The following HOXA10 variants were observed in gnomAD, a reference collection of about 807,000 sequenced individuals.
HOXA10 encodes the protein homeobox protein Hox-A10.
A neutral mutation model predicts 29.7 loss-of-function variants in HOXA10; 12 were observed. That is an observed-to-expected ratio of 0.40 (90% CI 0.26 to 0.65). The LOEUF (loss-of-function observed/expected upper bound fraction) is 0.65, where lower values mean the gene tolerates loss of function less well. HOXA10 is among the 30% of genes least tolerant of loss of function. The probability of loss-of-function intolerance (pLI) is 0.37; values close to 1 mark genes in which losing one functional copy is unlikely to be tolerated. For synonymous variants in HOXA10, 327 were observed against 280.7 expected, an observed-to-expected ratio of 1.16 and a Z score of -1.65; for missense variants, 656 against 585.9, an observed-to-expected ratio of 1.12 and a Z score of -1.24.
chr7:27,179,625 G>A (rs201675124), intron 1 of HOXA10: 2 of 777,652 alleles, frequency 2.6e-6, no homozygotes, highest in African/African-American at 3.4e-5. Context: ...GACTGAAATT[G>A]CTAAACTTGT....
rs1783572501 is a variant in HOXA10, at chr7:27,173,622, CGCT to C, written c.682_684del (p.Ser228del). 2.0e-6 allele frequency: 3 copies of C among 1,534,082 alleles called. No homozygotes were observed. Among genetic ancestry groups the C allele is most frequent in the Non-Finnish European group, 2.6e-6 (3 of 1,140,964 alleles). The stretch of plus-strand genomic sequence containing the variant: ...CCGAGTTGCTGCGCGCCGCCGCCGC[CGCT>C]GCCATAGCCCTTGGCGGTGCCGTAG... On this transcript the variant is annotated inframe_deletion, in exon 1 of 2. Transcript: ENST00000283921.
upstream of HOXA10, chr7:27,174,555 G>A (rs1355313591): frequency 5.0e-6 from 3 of 604,494 alleles, no homozygotes; most frequent in Admixed American, 3.3e-5. Flanking sequence ...CCCCAACGTG[G>A]CTGGTGGGGG....
At position 27,173,885 on chromosome 7, in the gene HOXA10, GGCT is replaced by G. The variant is rs754696109; in HGVS notation, c.419_421del (p.Gln140del). 10 of 1,562,986 alleles carry G rather than the reference GGCT, an allele frequency of 6.4e-6. No homozygotes were observed. In the East Asian group the frequency reaches 2.4e-4, roughly 37 times the overall value. Reference sequence around the variant, plus strand: ...CTGGGGTGGTTGCGGCGGGGGCGGCGGCTGCTGCTGGGGCGGCGGCGGCGGCCC... The same window carrying G: ...CTGGGGTGGTTGCGGCGGGGGCGGCGGCTGCTGGGGCGGCGGCGGCGGCCC... On this transcript the variant is annotated inframe_deletion, in exon 1 of 2. Transcript: ENST00000283921.
upstream of HOXA10, among the ~76,000 whole-genome samples, chr7:27,177,112 C>G (rs1783666002): frequency 6.6e-6 from 1 of 152,196 alleles, no homozygotes; most frequent in African/African-American, 2.4e-5. Context: ...ACGTGCCAAC[C>G]AAGGTTACAA....
At chr7:27,178,481 C>T (rs1269626618), upstream of HOXA10, among the ~76,000 whole-genome samples, 2 of 152,224 alleles carry the variant, frequency 1.3e-5, no homozygotes, top group East Asian at 3.8e-4. Context: ...GTGTTGGGGC[C>T]TTTTCACACA....
In HOXA10 at chr7:27,171,675, C is replaced by T. The variant is rs1193808586; in HGVS notation, c.*224G>A. 1.4e-6 allele frequency: 1 copy of T among 691,876 alleles called. No homozygotes were observed. Among genetic ancestry groups the T allele is most frequent in the African/African-American group, 1.8e-5 (1 of 57,084 alleles). 42.9% of individuals were successfully genotyped at this position (691,876 alleles called of 1,614,324 possible). On this transcript the variant is annotated 3_prime_UTR_variant, in exon 2 of 2. Coordinates refer to ENST00000283921, the MANE Select transcript of HOXA10 (RefSeq NM_018951.4). ...TCTATAGAATTTTAGCATGATATGG[C>T]TTTTTCCCCCAGAAAACAACAAATA...
rs1323977871 is a variant in HOXA10, at chr7:27,171,862, C to T, written c.*37G>A. 3.1e-6 allele frequency: 5 copies of T among 1,612,436 alleles called. No individual in the cohort carries two copies. The highest frequency in any genetic ancestry group is 3.4e-6 in the Non-Finnish European group (4 of 1,178,674). On this transcript the variant is annotated 3_prime_UTR_variant, in exon 2 of 2. Coordinates refer to ENST00000283921, the MANE Select transcript of HOXA10 (RefSeq NM_018951.4). ...TGAAGACAGAGGGAGGGGACCAGCGCTCGGGAAGTGAAAAAACCGCGTCGC... is the reference window on the plus strand; with the variant it reads ...TGAAGACAGAGGGAGGGGACCAGCGTTCGGGAAGTGAAAAAACCGCGTCGC...
chr7:27,177,027 C>A (rs1783664665), upstream of HOXA10, among the ~76,000 whole-genome samples: 1 of 152,236 alleles, frequency 6.6e-6, no homozygotes, highest in Non-Finnish European at 1.5e-5. Flanking sequence ...GGGTGCCCTG[C>A]AGCAGACAGC....
Position 27,173,867 on chromosome 7 carries a change from G to A in HOXA10, c.440C>T (p.Pro147Leu). 1 of 1,596,068 alleles carries A rather than the reference G, an allele frequency of 6.3e-7. No homozygotes were observed. Among genetic ancestry groups the A allele is most frequent in the Non-Finnish European group, 8.5e-7 (1 of 1,172,538 alleles). ...GGTGGCCTGCGGCGCTGGCTGGGGT[G>A]GTTGCGGCGGGGGCGGCGGCTGCTG... ...PQQQPPPPPQ[P>L]PQPAPQATSC... The change falls in exon 1 of 2, where the codon CCA becomes CTA. Residue 147 changes from proline to leucine, a missense_variant. Pro to Leu is a moderately conservative substitution (Grantham distance 98, BLOSUM62 -3). Coordinates refer to ENST00000283921, the MANE Select transcript of HOXA10 (RefSeq NM_018951.4).
intron 1 of HOXA10, chr7:27,172,965 T>G: frequency 3.8e-6 from 1 of 265,668 alleles, no homozygotes; most frequent in South Asian, 5.3e-5. Flanking sequence ...ACATCCGCGC[T>G]ATCTGCGGGC....
rs745656654 is a variant in HOXA10 at position 27,173,331 on chromosome 7, C to T, written c.958+18G>A. ...CCTGTCTGCCCGCCTGACTGCAGCCCTCTGCAGCCCTGCTTACCCAGGGAA... is the reference window on the plus strand; with the variant it reads ...CCTGTCTGCCCGCCTGACTGCAGCCTTCTGCAGCCCTGCTTACCCAGGGAA... On this transcript the variant is annotated intron_variant, in intron 1 of 1. Transcript: ENST00000283921. 1 of 1,611,542 alleles carries T rather than the reference C, an allele frequency of 6.2e-7. No individual in the cohort carries two copies. The highest frequency in any genetic ancestry group is 1.1e-5 in the South Asian group (1 of 90,948).
rs1783574510 is a variant in HOXA10, at chr7:27,173,667, A to C, written c.640T>G (p.Phe214Val). 1 of 1,551,418 alleles carries C rather than the reference A, an allele frequency of 6.4e-7. No individual in the cohort carries two copies. The highest frequency in any genetic ancestry group is 8.7e-7 in the Non-Finnish European group (1 of 1,147,856). ...TSSGVPVPGY[F>V]RLSQAYGTAK... ...GTGCCGTAGGCCTGAGAAAGGCGGA[A>C]GTAGCCAGGCACTGGCACCCCGCTG... Residue 214 changes from phenylalanine to valine, a missense_variant, in exon 1 of 2, where the codon TTC (phenylalanine) becomes GTC (valine). By Grantham distance (50) the Phe-to-Val change is conservative. Around this residue, in one of 2 missense-constraint regions of HOXA10, gnomAD observed 594 missense variants for 491.9 expected, o/e 1.21. Coordinates refer to ENST00000283921, the MANE Select transcript of HOXA10 (RefSeq NM_018951.4).
chr7:27,176,862 T>C (rs1044282993), upstream of HOXA10, among the ~76,000 whole-genome samples: 3 of 152,268 alleles, frequency 2.0e-5, no homozygotes, highest in African/African-American at 7.2e-5. Flanking sequence ...AAGTTTTGAC[T>C]CATTCTGTGA....
chr7:27,173,902 C>A lies in HOXA10; in HGVS notation c.405G>T (p.Pro135=), dbSNP rs1288413257. The A allele has an allele frequency of 1.3e-6, 2 of 1,527,946 alleles. No homozygotes were observed. Among genetic ancestry groups the A allele is most frequent in the East Asian group, 2.5e-5 (1 of 39,976 alleles). The allele number at this position is 1,527,946 out of a possible 1,614,324, so 94.6% of individuals were successfully genotyped here. The change falls in exon 1 of 2, where the codon CCG becomes CCT. Residue 135 remains proline, a synonymous_variant. Transcript: ENST00000283921. ...CRMEPPDGPP[P]PPQQQPPPPP... is the part of the protein sequence containing the mutation. The stretch of plus-strand genomic sequence containing the variant: ...GGGGCGGCGGCTGCTGCTGGGGCGG[C>A]GGCGGCGGCCCGTCAGGCGGCTCCA...
At chr7:27,178,288 T>C (rs1345288475), upstream of HOXA10, among the ~76,000 whole-genome samples, 3 of 152,268 alleles carry the variant, frequency 2.0e-5, no homozygotes, top group African/African-American at 4.8e-5. Context: ...CATTTATGCA[T>C]AGTTAGAAAA....
chr7:27,179,062 C>T (rs1783704030), upstream of HOXA10, among the ~76,000 whole-genome samples: 2 of 152,334 alleles, frequency 1.3e-5, no homozygotes, highest in African/African-American at 2.4e-5. Context: ...TTTATAACAG[C>T]GTACTCCAAG....
At chr7:27,174,566 G>T (rs1783613453), upstream of HOXA10, 3 of 580,172 alleles carry the variant, frequency 5.2e-6, no homozygotes, top group South Asian at 6.3e-5. Flanking sequence ...CTGGTGGGGG[G>T]CCTGGCCATT....
chr7:27,175,035 C>T (rs1383875184), upstream of HOXA10: 5 of 152,262 alleles, frequency 3.3e-5, no homozygotes, highest in East Asian at 9.6e-4. Flanking sequence ...TGGTGTTGTG[C>T]TCACCCGGCT....
Position 27,173,745 on chromosome 7 carries a change from G to T in HOXA10, c.562C>A (p.Leu188Met), listed in dbSNP as rs1431613044. The T allele has an allele frequency of 6.2e-7, 1 of 1,600,584 alleles. No homozygotes were observed. The highest frequency in any genetic ancestry group is 1.7e-5 in the Admixed American group (1 of 58,780). Residue 188 changes from leucine to methionine, a missense_variant, in exon 1 of 2, where the codon CTG becomes ATG. Physicochemically the swap from Leu to Met is conservative, Grantham distance 15. Around this residue, in one of 2 missense-constraint regions of HOXA10, gnomAD observed 594 missense variants for 491.9 expected, o/e 1.21. Coordinates refer to ENST00000283921, the MANE Select transcript of HOXA10 (RefSeq NM_018951.4). ...GGCGGGCCCCGCGGGAAGGGAGCCAGTTCGGCGGCGGTGGCCGAGACTTTG... is the reference window on the plus strand; with the variant it reads ...GGCGGGCCCCGCGGGAAGGGAGCCATTTCGGCGGCGGTGGCCGAGACTTTG... ...CPKVSATAAE[L>M]APFPRGPPPD...
Sources: gnomAD v4.1 joint callset for allele counts (sites outside exome capture counted in the v4.1 genomes callset) on GRCh38, gnomAD v4.1.1 for gene constraint, gnomAD v4.1.1 regional missense constraint, MANE v1.5 for transcripts, NCBI Gene and HGNC (gene_info 2026-07-23, HGNC 2026-07-21) for gene names.